The following ANKS1B variants were observed in gnomAD, a reference collection of about 807,000 sequenced individuals.
The protein encoded by ANKS1B is ankyrin repeat and sterile alpha motif domain-containing protein 1B.
Under a neutral mutation model 148.3 loss-of-function variants are expected in ANKS1B, and 36 were observed. That is an observed-to-expected ratio of 0.24 (90% CI 0.19 to 0.32). ANKS1B has a LOEUF of 0.32. Among genes scored for constraint, ANKS1B ranks in the 10% least tolerant of loss-of-function variants. The probability of loss-of-function intolerance (pLI) is 1.00; values close to 1 mark genes in which losing one functional copy is unlikely to be tolerated. For missense variants in ANKS1B, 1,157 were observed against 1,542.6 expected, an observed-to-expected ratio of 0.75 and a Z score of 4.19; for synonymous variants, 542 against 560.8, an observed-to-expected ratio of 0.97 and a Z score of 0.47.
intron 19 of ANKS1B, among the ~76,000 whole-genome samples, chr12:98,821,421 G>T (rs12304075): frequency 6.6e-6 from 1 of 152,144 alleles, no homozygotes; most frequent in African/African-American, 2.4e-5. Context: ...TTACTCCTCA[G>T]TCCACATTGT....
intron 17 of ANKS1B, among the ~76,000 whole-genome samples, chr12:98,988,292 C>T (rs1287437846): frequency 6.6e-6 from 1 of 152,110 alleles, no homozygotes; most frequent in Non-Finnish European, 1.5e-5. Flanking sequence ...TAGTAATCAC[C>T]ATTCTACTCT....
intron 22 of ANKS1B, among the ~76,000 whole-genome samples, chr12:98,790,783 C>A (rs2098841738): frequency 6.6e-6 from 1 of 152,110 alleles, no homozygotes; most frequent in Non-Finnish European, 1.5e-5. Context: ...GTGGTTGCAA[C>A]AATGAACTTT....
intron 17 of ANKS1B, among the ~76,000 whole-genome samples, chr12:98,929,053 C>T (rs1475404255): frequency 2.7e-5 from 4 of 148,418 alleles, no homozygotes; most frequent in Admixed American, 6.7e-5. Context: ...CACACACACA[C>T]ACACACACAC....
At chr12:99,293,356 T>A (rs1449545543) in intron 12 of ANKS1B, among the ~76,000 whole-genome samples, 1 of 124,416 alleles carries the variant, frequency 8.0e-6, no homozygotes, top group African/African-American at 3.2e-5. Context: ...TGTCGGGGGG[T>A]GGGGGCTGGG....
At chr12:98,908,368 A>G (rs1223430537) in intron 17 of ANKS1B, among the ~76,000 whole-genome samples, 1 of 152,210 alleles carries the variant, frequency 6.6e-6, no homozygotes, top group Admixed American at 6.5e-5. Context: ...GGAGGCTACC[A>G]TTACCTTCTC....
chr12:99,860,042 A>G (rs900735060), intron 1 of ANKS1B, among the ~76,000 whole-genome samples: 5 of 152,230 alleles, frequency 3.3e-5, no homozygotes, highest in Non-Finnish European at 7.3e-5. Flanking sequence ...ATTAATATTT[A>G]TTGGGAATTG....
At chr12:99,542,967 A>C (rs1234734919) in intron 9 of ANKS1B, among the ~76,000 whole-genome samples, 10 of 152,266 alleles carry the variant, frequency 6.6e-5, no homozygotes, top group Middle Eastern at 3.4e-3. Context: ...AACAAGTAAC[A>C]AAAGAAATAA....
At chr12:99,113,991 C>T (rs2060822028) in intron 15 of ANKS1B, among the ~76,000 whole-genome samples, 1 of 152,182 alleles carries the variant, frequency 6.6e-6, no homozygotes, top group Non-Finnish European at 1.5e-5. Context: ...GACTTTTAAG[C>T]TTTCTTCCTG....
intron 17 of ANKS1B, among the ~76,000 whole-genome samples, chr12:98,929,212 A>G (rs1278138307): frequency 1.3e-5 from 2 of 152,094 alleles, no homozygotes; most frequent in Non-Finnish European, 2.9e-5. Context: ...GCCTAGTAAT[A>G]GATTTAAAAA....
intron 12 of ANKS1B, among the ~76,000 whole-genome samples, chr12:99,285,368 T>C (rs1195446268): frequency 6.6e-6 from 1 of 152,232 alleles, no homozygotes; most frequent in African/African-American, 2.4e-5. Flanking sequence ...CACCTACTGA[T>C]GAACATTTGG....
chr12:98,850,898 A>G (rs948345671), intron 17 of ANKS1B, among the ~76,000 whole-genome samples: 1 of 152,178 alleles, frequency 6.6e-6, no homozygotes, highest in African/African-American at 2.4e-5. Context: ...AAAAGGAACA[A>G]TGCTTTAACT....
chr12:99,667,465 A>G (rs1333590204), intron 8 of ANKS1B, among the ~76,000 whole-genome samples: 1 of 152,158 alleles, frequency 6.6e-6, no homozygotes, highest in Non-Finnish European at 1.5e-5. Flanking sequence ...TCTTGCACAC[A>G]TTTTAGGTCT....
chr12:99,595,014 A>G (rs117715707), intron 9 of ANKS1B, among the ~76,000 whole-genome samples: 2,873 of 152,124 alleles, frequency 0.019, 39 homozygotes, highest in Non-Finnish European at 0.028. Flanking sequence ...TCTAATCCAC[A>G]TTAGTTAAAG....
chr12:99,430,143 A>T (rs748675511), intron 11 of ANKS1B, among the ~76,000 whole-genome samples: 1 of 152,078 alleles, frequency 6.6e-6, no homozygotes, highest in Non-Finnish European at 1.5e-5. Context: ...ATAAAATAAT[A>T]ATCATTTTAA....
chr12:99,662,586 A>T (rs1170670545), intron 8 of ANKS1B, among the ~76,000 whole-genome samples: 1 of 152,232 alleles, frequency 6.6e-6, no homozygotes, highest in Non-Finnish European at 1.5e-5. Flanking sequence ...CAATGTAACT[A>T]TAACCCAGAT....
intron 1 of ANKS1B, among the ~76,000 whole-genome samples, chr12:99,892,436 G>A (rs748142885): frequency 3.9e-5 from 6 of 152,040 alleles, no homozygotes; most frequent in Non-Finnish European, 7.4e-5. Context: ...AAAAGGAATG[G>A]GAATGAAGAC....
In ANKS1B at chr12:99,849,335, A is replaced by T. The variant is rs76708482; in HGVS notation, c.135-23946T>A. 7.8e-3 allele frequency among the ~76,000 whole-genome samples: 1,190 copies of T among 152,242 alleles called. 13 individuals are homozygous for T. The highest frequency in any genetic ancestry group is 0.027 in the African/African-American group (1,125 of 41,542). ...TTCCTTAGTTGTCAGGAAAAATGCA[A>T]ATTACTATCACAGTGAGACACCACT... On this transcript the variant is annotated intron_variant, in intron 1 of 26. Transcript: ENST00000683438.
At chr12:99,649,839 T>C (rs150871503) in intron 9 of ANKS1B, 2 of 157,232 alleles carry the variant, frequency 1.3e-5, no homozygotes, top group African/African-American at 4.9e-5. Context: ...GACTCTCTGC[T>C]ACTCAGCATT....
At chr12:99,390,925 G>A (rs1317464197) in intron 12 of ANKS1B, among the ~76,000 whole-genome samples, 1 of 152,208 alleles carries the variant, frequency 6.6e-6, no homozygotes, top group East Asian at 1.9e-4. Context: ...GGACCACTTT[G>A]CCAGTGCGAG....
Sources: allele counts gnomAD v4.1 joint callset (sites outside exome capture counted in the v4.1 genomes callset), GRCh38; gene constraint gnomAD v4.1.1; transcripts MANE v1.5; gene names NCBI Gene and HGNC (gene_info 2026-07-23, HGNC 2026-07-21).